Variants in ZBTB7C observed in about 807,000 individuals in gnomAD.
ZBTB7C encodes zinc finger and BTB domain containing 7C, also known as zinc finger and BTB domain-containing protein 7C.
ZBTB7C carries 8 observed loss-of-function variants against 25.7 expected under a neutral mutation model. That is an observed-to-expected ratio of 0.31 (90% CI 0.18 to 0.56). The LOEUF is 0.56. Ranked by LOEUF, ZBTB7C falls within the 20% of genes least tolerant of loss-of-function variation. The pLI is 0.91. For synonymous variants in ZBTB7C, 394 were observed against 369.0 expected (o/e 1.07, Z -0.78); for missense variants, 824 against 855.2 (o/e 0.96, Z 0.46).
At chr18:48,067,718 T>G (rs1015508214) in intron 3 of ZBTB7C, among the ~76,000 whole-genome samples, 2 of 152,122 alleles carry the variant, frequency 1.3e-5, no homozygotes, top group African/African-American at 2.4e-5. Context: ...AATCTCTCTC[T>G]CAGTTGGGCA....
chr18:48,138,708 A>C (rs78907777), intron 3 of ZBTB7C, among the ~76,000 whole-genome samples: 3,126 of 152,280 alleles, frequency 0.021, 113 homozygotes, highest in African/African-American at 0.072. Flanking sequence ...CTTTTTATCA[A>C]AAACCAGGTA....
intron 3 of ZBTB7C, among the ~76,000 whole-genome samples, chr18:48,045,432 A>T (rs893427153): frequency 3.3e-5 from 5 of 152,132 alleles, no homozygotes; most frequent in African/African-American, 1.2e-4. Context: ...TTCCCATCCC[A>T]CTTTCTGAGC....
chr18:48,230,896 G>A (rs2043233682), intron 2 of ZBTB7C, among the ~76,000 whole-genome samples: 1 of 152,204 alleles, frequency 6.6e-6, no homozygotes, highest in South Asian at 2.1e-4. Context: ...TGCCCACTCT[G>A]ATTTTGGAGC....
At chr18:48,162,132 G>A (rs1300840365) in intron 3 of ZBTB7C, among the ~76,000 whole-genome samples, 2 of 152,218 alleles carry the variant, frequency 1.3e-5, no homozygotes, top group African/African-American at 4.8e-5. Context: ...AGGGCTTCGT[G>A]CCAGACCCGG....
chr18:48,230,495 A>G (rs1303819835), intron 2 of ZBTB7C, among the ~76,000 whole-genome samples: 1 of 152,246 alleles, frequency 6.6e-6, no homozygotes, highest in Non-Finnish European at 1.5e-5. Flanking sequence ...GGATCTTCCT[A>G]GAAGTTTCCC....
At chr18:48,388,915 A>G (rs2047813556) in intron 1 of ZBTB7C, among the ~76,000 whole-genome samples, 1 of 152,116 alleles carries the variant, frequency 6.6e-6, no homozygotes, top group Non-Finnish European at 1.5e-5. Flanking sequence ...AGAAGTACAA[A>G]TCAGTTCTAT....
At chr18:48,096,186 C>T (rs1483712146) in intron 3 of ZBTB7C, among the ~76,000 whole-genome samples, 1 of 152,142 alleles carries the variant, frequency 6.6e-6, no homozygotes, top group Non-Finnish European at 1.5e-5. Flanking sequence ...GGGAAAAGTG[C>T]CAATTGCAAG....
chr18:48,130,112 C>T (rs1568241771), intron 3 of ZBTB7C, among the ~76,000 whole-genome samples: 1 of 152,166 alleles, frequency 6.6e-6, no homozygotes, highest in Non-Finnish European at 1.5e-5. Context: ...GCTGTGAATG[C>T]AGGCCTCTCC....
intron 3 of ZBTB7C, among the ~76,000 whole-genome samples, chr18:48,161,210 G>C (rs2041011791): frequency 6.6e-6 from 1 of 151,830 alleles, no homozygotes; most frequent in South Asian, 2.1e-4. Flanking sequence ...CCTTCACCAA[G>C]ACCCAGAGGG....
At chr18:48,130,349 G>A (rs1598935375) in intron 3 of ZBTB7C, among the ~76,000 whole-genome samples, 2 of 152,168 alleles carry the variant, frequency 1.3e-5, no homozygotes, top group Non-Finnish European at 2.9e-5. Flanking sequence ...AGCTCTGGGG[G>A]CTTTAAGGGA....
At chr18:48,298,071 G>T (rs2045444319) in intron 2 of ZBTB7C, among the ~76,000 whole-genome samples, 1 of 152,116 alleles carries the variant, frequency 6.6e-6, no homozygotes, top group African/African-American at 2.4e-5. Context: ...ACAAGGTCAG[G>T]AGTTTGAGAC....
intron 3 of ZBTB7C, chr18:48,165,652 T>C (rs2041219082): frequency 6.4e-6 from 1 of 155,068 alleles, no homozygotes; most frequent in African/African-American, 2.4e-5. Context: ...CCAAATGCTA[T>C]GCCCTCAAGG....
intron 1 of ZBTB7C, among the ~76,000 whole-genome samples, chr18:48,397,824 C>T (rs1006621808): frequency 6.6e-6 from 1 of 152,184 alleles, no homozygotes; most frequent in Non-Finnish European, 1.5e-5. Flanking sequence ...TCTTTGAAGG[C>T]AAGACCACGT....
Position 48,350,182 on chromosome 18 carries a change from G to A in ZBTB7C, c.-303-11784C>T, listed in dbSNP as rs150533849. Among the ~76,000 whole-genome samples the A allele has an allele frequency of 2.6e-5, 4 of 152,280 alleles. No homozygotes were observed. The East Asian group carries it at 5.8e-4, about 22-fold the overall frequency. On this transcript the variant is annotated intron_variant, in intron 1 of 4. Transcript: ENST00000590800. Reference sequence around the variant, plus strand: ...CATGAATTCATTATCTTACAGTTCTGGAGGTTGAAGTCTGACAAGGGTCTC... The same window carrying A: ...CATGAATTCATTATCTTACAGTTCTAGAGGTTGAAGTCTGACAAGGGTCTC...
intron 3 of ZBTB7C, chr18:48,137,259 C>G: frequency 2.0e-6 from 2 of 985,494 alleles, no homozygotes; most frequent in Non-Finnish European, 2.4e-6. Context: ...AAGCGCAGGA[C>G]AGGACGATCT....
chr18:48,074,752 G>A (rs1303951718), intron 3 of ZBTB7C, among the ~76,000 whole-genome samples: 3 of 152,196 alleles, frequency 2.0e-5, no homozygotes, highest in Non-Finnish European at 4.4e-5. Flanking sequence ...CTCTATGGCC[G>A]AGCAGAGAAA....
At chr18:48,202,052 G>A (rs2042462833) in intron 2 of ZBTB7C, among the ~76,000 whole-genome samples, 2 of 152,242 alleles carry the variant, frequency 1.3e-5, no homozygotes, top group South Asian at 2.1e-4. Flanking sequence ...AAAGCCACAC[G>A]TGCAGGTCAG....
At chr18:48,341,645 G>A (rs2046603501) in intron 1 of ZBTB7C, among the ~76,000 whole-genome samples, 1 of 152,244 alleles carries the variant, frequency 6.6e-6, no homozygotes, top group Admixed American at 6.5e-5. Flanking sequence ...AAAGAAAGGA[G>A]AGTTTTCACA....
At chr18:48,310,899 G>T (rs1300924878) in intron 2 of ZBTB7C, among the ~76,000 whole-genome samples, 1 of 152,228 alleles carries the variant, frequency 6.6e-6, no homozygotes, top group Non-Finnish European at 1.5e-5. Context: ...GCCCCTGGCT[G>T]CCTGGCTCCA....
Sources: gnomAD v4.1 joint callset for allele counts (sites outside exome capture counted in the v4.1 genomes callset) on GRCh38, gnomAD v4.1.1 for gene constraint, MANE v1.5 for transcripts, NCBI Gene and HGNC (gene_info 2026-07-23, HGNC 2026-07-21) for gene names.